Variants in CCR10 observed in about 807,000 individuals in gnomAD.
CCR10 encodes C-C motif chemokine receptor 10.
Under a neutral mutation model 11.9 loss-of-function variants are expected in CCR10, and 11 were observed. That is an observed-to-expected ratio of 0.92 (90% confidence interval 0.58 to 1.53). CCR10 has a LOEUF of 1.53. Ranked by LOEUF, CCR10 falls within the 40% of genes most tolerant of loss-of-function variation. CCR10 has a pLI of 0.00. For missense variants in CCR10, 428 were observed against 496.6 expected, an observed-to-expected ratio of 0.86 and a Z score of 1.31; for synonymous variants, 224 against 245.4, an observed-to-expected ratio of 0.91 and a Z score of 0.81.
chr17:42,679,530 C>T lies in CCR10; in HGVS notation c.*23G>A. ...CCCCTTTCCCACGACCCTCAGCCTG[C>T]CCCCTCCTCTAGATTCGCAGCCCTA... On this transcript the variant is annotated 3_prime_UTR_variant, in exon 2 of 2. Transcript: ENST00000332438. The T allele has an allele frequency of 7.0e-7, 1 of 1,435,322 alleles. No individual in the cohort carries two copies. Among genetic ancestry groups the T allele is most frequent in the South Asian group, 1.6e-5 (1 of 63,828 alleles). 88.9% of individuals were successfully genotyped at this position (1,435,322 alleles called of 1,614,324 possible).
At chr17:42,681,045 C>T (rs183681065) in intron 1 of CCR10, among the ~76,000 whole-genome samples, 28 of 152,226 alleles carry the variant, frequency 1.8e-4, no homozygotes, top group African/African-American at 6.5e-4. Context: ...GAGACAGAGT[C>T]TTGCTCTGTC....
Position 42,680,089 on chromosome 17 carries a change from G to A in CCR10, c.553C>T (p.Arg185Trp), listed in dbSNP as rs775790846. ...AGGCGACAGCGTCGTTGGCCTTCCC[G>A]CTGCCCATCCTGGCTGAAGAGCAGC... ...PALLFSQDGQREGQRRCRLIF... is the reference protein window; with the variant it reads ...PALLFSQDGQWEGQRRCRLIF... Residue 185 changes from arginine to tryptophan, a missense_variant, in exon 2 of 2, where the codon CGG becomes TGG. Transcript: ENST00000332438. 2 of 1,609,784 alleles carry A rather than the reference G, an allele frequency of 1.2e-6. No homozygotes were observed. Among genetic ancestry groups the A allele is most frequent in the African/African-American group, 2.7e-5 (2 of 75,050 alleles).
rs760548149 is a variant in CCR10 at position 42,680,073 on chromosome 17, C to T, written c.569G>A (p.Arg190His). 5 of 1,606,382 alleles carry T rather than the reference C, an allele frequency of 3.1e-6. No individual in the cohort carries two copies. In the Admixed American group the frequency reaches 6.7e-5, roughly 22 times the overall value. The change falls in exon 2 of 2, where the codon CGC becomes CAC. Residue 190 changes from arginine to histidine, a missense_variant. Arg to His is a conservative substitution (Grantham distance 29). Transcript: ENST00000332438. The stretch of plus-strand genomic sequence containing the variant: ...GCCCTCGGGGAAGATGAGGCGACAG[C>T]GTCGTTGGCCTTCCCGCTGCCCATC... ...SQDGQREGQR[R>H]CRLIFPEGLT... is the part of the protein sequence containing the mutation.
Position 42,679,627 on chromosome 17 carries a change from C to T in CCR10, c.1015G>A (p.Gly339Ser), listed in dbSNP as rs755027920. Residue 339 changes from glycine (G) to serine (S), a missense_variant, in exon 2 of 2, where the codon GGC becomes AGC. Coordinates refer to ENST00000332438, the MANE Select transcript of CCR10 (RefSeq NM_016602.3). The stretch of plus-strand genomic sequence containing the variant: ...GAAAGGCGGGGCCGGCGGGGGCAGC[C>T]GCGGCGGGGTTGAGGCCCTGAGGGG... Reference protein sequence around the residue: ...SCPSGPQPRRGCPRRPRLSSC... With the variant: ...SCPSGPQPRRSCPRRPRLSSC... 4 of 1,481,576 alleles carry T rather than the reference C, an allele frequency of 2.7e-6. No individual in the cohort carries two copies. In the East Asian group the frequency reaches 1.0e-4, roughly 38 times the overall value. The allele number at this position is 1,481,576 out of a possible 1,614,324, so 91.8% of individuals were successfully genotyped here. A position where few individuals can be genotyped will look rare whatever the true frequency, so the allele number is the denominator to read the frequency against.
rs773619878 is a variant in CCR10, at chr17:42,679,571, A to G, written c.1071T>C (p.Ser357=). The G allele has an allele frequency of 3.4e-6, 5 of 1,474,970 alleles. No individual in the cohort carries two copies. The highest frequency in any genetic ancestry group is 1.5e-5 in the African/African-American group (1 of 67,142). 91.4% of individuals were successfully genotyped at this position (1,474,970 alleles called of 1,614,324 possible). Residue 357 remains serine, a synonymous_variant, in exon 2 of 2, where the codon AGT becomes AGC. Transcript: ENST00000332438. ...SSCSAPTETH[S]LSWDN is the part of the protein sequence containing the mutation. ...CGCAGCCCTAGTTGTCCCAGGAGAGACTGTGGGTCTCCGTGGGAGCTGAGC... is the reference window on the plus strand; with the variant it reads ...CGCAGCCCTAGTTGTCCCAGGAGAGGCTGTGGGTCTCCGTGGGAGCTGAGC...
chr17:42,681,074 TG>T (rs1475658613), intron 1 of CCR10, among the ~76,000 whole-genome samples: 1 of 152,146 alleles, frequency 6.6e-6, no homozygotes, highest in African/African-American at 2.4e-5. Context: ...TGGAGTGCAG[TG>T]GCACGATCTC....
rs1272490414 is a variant in CCR10, at chr17:42,678,917, T to G, written c.*636A>C. On this transcript the variant is annotated 3_prime_UTR_variant, in exon 2 of 2. Coordinates refer to ENST00000332438, the MANE Select transcript of CCR10 (RefSeq NM_016602.3). ...TACAATTCATTTTTTCATTTTTTCT[T>G]TCCATCACAGACACTAGGAAGGGAT... The G allele has an allele frequency of 6.6e-6, 1 of 152,228 alleles. No homozygotes were observed. The highest frequency in any genetic ancestry group is 2.4e-5 in the African/African-American group (1 of 41,440). The allele number at this position is 152,228 out of a possible 1,614,324, so 9.4% of individuals were successfully genotyped here.
Position 42,679,995 on chromosome 17 carries a change from A to C in CCR10, c.647T>G (p.Phe216Cys). 1 of 1,575,074 alleles carries C rather than the reference A, an allele frequency of 6.3e-7. No homozygotes were observed. Among genetic ancestry groups the C allele is most frequent in the Non-Finnish European group, 8.6e-7 (1 of 1,165,890 alleles). The part of the protein sequence containing the change: ...ASAVAQVALG[F>C]ALPLGVMVAC... ...TACCATGACGCCCAGCGGCAGCGCG[A>C]AGCCCAGGGCCACCTGCGCCACGGC... The change falls in exon 2 of 2, where the codon TTC becomes TGC. Residue 216 changes from phenylalanine (F) to cysteine (C), a missense_variant. By Grantham distance (205) the Phe-to-Cys change is radical. Transcript: ENST00000332438.
chr17:42,680,744 A>C, intron 1 of CCR10, 127 bp from the exon 2 acceptor site: 1 of 664,250 alleles, frequency 1.5e-6, no homozygotes, highest in African/African-American at 1.8e-5. Context: ...GGGGAGACAT[A>C]AGCTCTTCTC....
Position 42,680,234 on chromosome 17 carries a change from G to A in CCR10, c.408C>T (p.Ala136=), listed in dbSNP as rs1203974463. 1 of 1,591,532 alleles carries A rather than the reference G, an allele frequency of 6.3e-7. No individual in the cohort carries two copies. The highest frequency in any genetic ancestry group is 2.3e-5 in the East Asian group (1 of 43,844). ...CTCGCGCGATGGCCACGTAGCGGTC[G>A]GCGCTGATACAGGCCAGGAAGAGGA... ...AGFLFLACIS[A]DRYVAIARAL... The change falls in exon 2 of 2, where the codon GCC becomes GCT. Residue 136 remains alanine, a synonymous_variant. Transcript: ENST00000332438.
At position 42,680,417 on chromosome 17, in the gene CCR10, C is replaced by T. The variant is rs2052915488; in HGVS notation, c.225G>A (p.Ser75=). ...GCTGGAGCAGGTGGGCAGAGGTGGG[C>T]GAGCGCGCTGCGCGTCGGGCTGCCA... ...THLAARRAAR[S]PTSAHLLQLA... is the part of the protein sequence containing the mutation. Residue 75 remains serine (S), a synonymous_variant, in exon 2 of 2, where the codon TCG becomes TCA. Coordinates refer to ENST00000332438, the MANE Select transcript of CCR10 (RefSeq NM_016602.3). 1.3e-6 allele frequency: 2 copies of T among 1,567,302 alleles called. No individual in the cohort carries two copies. The highest frequency in any genetic ancestry group is 1.7e-6 in the Non-Finnish European group (2 of 1,156,360).
At chr17:42,681,720 T>C in intron 1 of CCR10, 80 bp downstream of exon 1, 10 of 1,042,220 alleles carry the variant, frequency 9.6e-6, no homozygotes, top group Non-Finnish European at 1.5e-5. Flanking sequence ...CAGAGGCCCA[T>C]TGCCAGGTGG....
rs974158679 is a variant in CCR10, at chr17:42,680,504, A to G, written c.138T>C (p.Ser46=). 3 of 1,612,328 alleles carry G rather than the reference A, an allele frequency of 1.9e-6. No homozygotes were observed. The highest frequency in any genetic ancestry group is 2.5e-6 in the Non-Finnish European group (3 of 1,179,622). ...CCAGCGCAGCCACGGTCAGGGAGAC[A>G]CTGGGTTGGAAGGCCCGGCTGAAGG... ...VQAFSRAFQP[S]VSLTVAALGL... The change falls in exon 2 of 2, where the codon AGT becomes AGC. Residue 46 remains serine, a synonymous_variant. Transcript: ENST00000332438.
In CCR10 at chr17:42,680,223, A is replaced by C. The variant is rs2052912406; in HGVS notation, c.419T>G (p.Val140Gly). ...GGCTGGGAGCGCTCGCGCGATGGCC[A>C]CGTAGCGGTCGGCGCTGATACAGGC... ...FLACISADRY[V>G]AIARALPAGP... is the part of the protein sequence containing the mutation. Residue 140 changes from valine (V) to glycine (G), a missense_variant, in exon 2 of 2, where the codon GTG becomes GGG. Val to Gly is a moderately radical substitution (Grantham distance 109, BLOSUM62 -3). Coordinates refer to ENST00000332438, the MANE Select transcript of CCR10 (RefSeq NM_016602.3). 6.3e-7 allele frequency: 1 copy of C among 1,597,536 alleles called. No individual in the cohort carries two copies. Among genetic ancestry groups the C allele is most frequent in the Non-Finnish European group, 8.5e-7 (1 of 1,172,740 alleles).
Position 42,680,562 on chromosome 17 carries a change from A to G in CCR10, c.80T>C (p.Leu27Pro), listed in dbSNP as rs370149615. Residue 27 changes from leucine to proline, a missense_variant, in exon 2 of 2, where the codon CTG (leucine) becomes CCG (proline). Physicochemically the swap from Leu to Pro is moderately conservative, Grantham distance 98 (BLOSUM62 -3). Transcript: ENST00000332438. ...ATCGGCCTTGTAGCAAAGCTCCGGC[A>G]GTGGCTCAGCCGAGTATGCGTCCTC... ...DEEDAYSAEP[L>P]PELCYKADVQ... is the part of the protein sequence containing the mutation. The G allele has an allele frequency of 2.5e-6, 4 of 1,605,994 alleles. No homozygotes were observed. Among genetic ancestry groups the G allele is most frequent in the Non-Finnish European group, 3.4e-6 (4 of 1,176,202 alleles).
intron 1 of CCR10, 134 bp from the exon 2 acceptor site, chr17:42,680,751 T>G (rs2052922200): frequency 1.6e-6 from 1 of 631,190 alleles, no homozygotes; most frequent in Non-Finnish European, 2.7e-6. Flanking sequence ...CATAAGCTCT[T>G]CTCCAGACTC....
chr17:42,679,921 C>A lies in CCR10; in HGVS notation c.721G>T (p.Glu241Ter), dbSNP rs1402493899. ...ACGACGCGCAGCGCACGCCGGCGCT[C>A]GGGCCCCCTGGCGGCCAGCAGCGTG... ...GRTLLAARGP[E>*]RRRALRVVVA... is the part of the protein sequence containing the mutation. The change falls in exon 2 of 2, where the codon GAG (glutamate) becomes TAG (stop). Residue 241 changes from glutamate (E) to a stop codon, truncating the protein, a stop_gained. Coordinates refer to ENST00000332438, the MANE Select transcript of CCR10 (RefSeq NM_016602.3). LOFTEE classifies it high-confidence loss of function. 3 of 1,558,318 alleles carry A rather than the reference C, an allele frequency of 1.9e-6. No individual in the cohort carries two copies. In the East Asian group the frequency reaches 7.1e-5, roughly 37 times the overall value.
rs372322249 is a variant in CCR10 at position 42,681,793 on chromosome 17, C to A, written c.24+7G>T. The A allele has an allele frequency of 1.2e-6, 2 of 1,607,754 alleles. No homozygotes were observed. The highest frequency in any genetic ancestry group is 2.7e-5 in the African/African-American group (2 of 74,808). The stretch of plus-strand genomic sequence containing the variant: ...ACCCTTCTCCCCCTCCCTGCCCCCA[C>A]TCCCACCTGCTCTGTGGCCTCCGTC... On this transcript the variant is annotated splice_region_variant and intron_variant, in intron 1 of 1. Transcript: ENST00000332438.
At position 42,679,536 on chromosome 17, in the gene CCR10, C is replaced by A. The variant is rs192986284; in HGVS notation, c.*17G>T. ...TCCCACGACCCTCAGCCTGCCCCCT[C>A]CTCTAGATTCGCAGCCCTAGTTGTC... On this transcript the variant is annotated 3_prime_UTR_variant, in exon 2 of 2. Coordinates refer to ENST00000332438, the MANE Select transcript of CCR10 (RefSeq NM_016602.3). 7.7e-5 allele frequency: 111 copies of A among 1,448,996 alleles called. 2 individuals are homozygous for A. In the South Asian group the frequency reaches 1.4e-3, roughly 19 times the overall value. 89.8% of individuals were successfully genotyped at this position (1,448,996 alleles called of 1,614,324 possible).
Sources: allele counts gnomAD v4.1 joint callset (sites outside exome capture counted in the v4.1 genomes callset), GRCh38; gene constraint gnomAD v4.1.1; transcripts MANE v1.5; gene names NCBI Gene and HGNC (gene_info 2026-07-23, HGNC 2026-07-21).